The following BTBD9 variants were observed in gnomAD, a reference collection of about 807,000 sequenced individuals.
BTBD9 encodes BTB domain containing 9.
In BTBD9, 49 loss-of-function variants were observed where a neutral mutation model predicts 64.3. The ratio of observed to expected loss-of-function variants is 0.76; its 90% CI spans 0.61 to 0.97. The LOEUF (loss-of-function observed/expected upper bound fraction) is 0.97. Among genes scored for constraint, BTBD9 ranks in the 50% least tolerant of loss-of-function variants. The pLI is 0.00. For missense variants in BTBD9, 598 were observed against 762.1 expected (o/e 0.78, Z 2.53); for synonymous variants, 260 against 274.7 (o/e 0.95, Z 0.53).
intron 6 of BTBD9, among the ~76,000 whole-genome samples, chr6:38,471,685 G>A (rs1173513290): frequency 6.6e-6 from 1 of 152,064 alleles, no homozygotes; most frequent in Non-Finnish European, 1.5e-5. Context: ...GTGCCCACCT[G>A]TGACTGAAGT....
At chr6:38,341,569 C>T (rs1764101095) in intron 7 of BTBD9, among the ~76,000 whole-genome samples, 1 of 152,176 alleles carries the variant, frequency 6.6e-6, no homozygotes, top group South Asian at 2.1e-4. Context: ...GAAATCCTTA[C>T]AAAAAGCAGA....
intron 7 of BTBD9, among the ~76,000 whole-genome samples, chr6:38,337,838 C>T (rs1357471879): frequency 6.6e-6 from 1 of 152,192 alleles, no homozygotes; most frequent in Admixed American, 6.5e-5. Flanking sequence ...GTTTCCCAGA[C>T]TCCCCTTACC....
At chr6:38,328,602 T>TGTGTGTGTGTGTGTGC (rs1763536249) in intron 7 of BTBD9, among the ~76,000 whole-genome samples, 1 of 149,010 alleles carries the variant, frequency 6.7e-6, no homozygotes, top group African/African-American at 2.5e-5. Flanking sequence ...TGTGTGTGTG[T>TGTGTGTGTGTGTGTGC]GTGTGTGTGT....
chr6:38,282,531 T>C (rs895183902), intron 8 of BTBD9, among the ~76,000 whole-genome samples: 1 of 152,134 alleles, frequency 6.6e-6, no homozygotes, highest in Non-Finnish European at 1.5e-5. Context: ...TCCCTGCCCC[T>C]CCTCTGCTCT....
intron 9 of BTBD9, among the ~76,000 whole-genome samples, chr6:38,228,823 G>A (rs1308193177): frequency 6.6e-6 from 1 of 151,852 alleles, no homozygotes; most frequent in Admixed American, 6.6e-5. Context: ...GTAGTGAGCT[G>A]AGATCGTGCC....
intron 6 of BTBD9, among the ~76,000 whole-genome samples, chr6:38,365,460 G>A (rs770563208): frequency 6.6e-6 from 1 of 152,182 alleles, no homozygotes; most frequent in Non-Finnish European, 1.5e-5. Flanking sequence ...TGAAGGTACA[G>A]GCTGGATGTG....
intron 7 of BTBD9, among the ~76,000 whole-genome samples, chr6:38,310,787 T>G (rs920637294): frequency 6.9e-6 from 1 of 144,516 alleles, no homozygotes; most frequent in African/African-American, 2.5e-5. Flanking sequence ...AATTATACCC[T>G]TCTAGCTTTG....
intron 6 of BTBD9, among the ~76,000 whole-genome samples, chr6:38,415,655 C>T (rs1025636948): frequency 6.6e-6 from 1 of 152,228 alleles, no homozygotes; most frequent in Admixed American, 6.5e-5. Context: ...CAATTACTCT[C>T]TAAGCATTGC....
intron 9 of BTBD9, among the ~76,000 whole-genome samples, chr6:38,255,048 G>A (rs1238458762): frequency 6.6e-6 from 1 of 152,318 alleles, no homozygotes; most frequent in South Asian, 2.1e-4. Flanking sequence ...AACAAATGTG[G>A]TATATGCACA....
intron 7 of BTBD9, among the ~76,000 whole-genome samples, chr6:38,318,679 T>C (rs1329479988): frequency 2.0e-5 from 3 of 152,220 alleles, no homozygotes; most frequent in African/African-American, 4.8e-5. Context: ...CAAACACCGC[T>C]GTGGCCACCA....
At chr6:38,612,723 C>T (rs1332358290) in intron 1 of BTBD9, 1 of 152,188 alleles carries the variant, frequency 6.6e-6, no homozygotes, top group Non-Finnish European at 1.5e-5. Context: ...AATAAAAGGA[C>T]AAACTCTTTT....
intron 8 of BTBD9, among the ~76,000 whole-genome samples, chr6:38,282,491 G>T (rs1042362438): frequency 2.2e-4 from 33 of 152,168 alleles, no homozygotes; most frequent in African/African-American, 6.0e-4. Flanking sequence ...AGCAGACAAG[G>T]TGGTTTCTAA....
chr6:38,444,161 G>A (rs1468977860), intron 6 of BTBD9, among the ~76,000 whole-genome samples: 1 of 152,150 alleles, frequency 6.6e-6, no homozygotes, highest in Non-Finnish European at 1.5e-5. Flanking sequence ...TCTAGAAGAG[G>A]TTAAATCCCC....
At chr6:38,400,650 T>C (rs1237557022) in intron 6 of BTBD9, among the ~76,000 whole-genome samples, 1 of 152,104 alleles carries the variant, frequency 6.6e-6, no homozygotes, top group East Asian at 1.9e-4. Flanking sequence ...CATCACTCCC[T>C]AGGATACCAG....
chr6:38,179,209 A>G (rs948253558), intron 10 of BTBD9, among the ~76,000 whole-genome samples: 2 of 152,280 alleles, frequency 1.3e-5, no homozygotes, highest in Non-Finnish European at 2.9e-5. Flanking sequence ...AAAAAGGAAT[A>G]TACATTTGTG....
chr6:38,587,764 G>GA, intron 4 of BTBD9: 1 of 702,674 alleles, frequency 1.4e-6, no homozygotes, highest in Admixed American at 1.8e-5. Flanking sequence ...TGGTAGGGAA[G>GA]AAAAGCCTGC....
chr6:38,609,614 A>C (rs944347010), intron 1 of BTBD9, among the ~76,000 whole-genome samples: 2 of 152,132 alleles, frequency 1.3e-5, no homozygotes, highest in African/African-American at 4.8e-5. Context: ...TAGAACAAAA[A>C]CTCTAAAGGG....
intron 7 of BTBD9, among the ~76,000 whole-genome samples, chr6:38,306,957 A>G (rs1762649364): frequency 6.6e-6 from 1 of 152,248 alleles, no homozygotes; most frequent in Non-Finnish European, 1.5e-5. Flanking sequence ...CAGCAAGCAA[A>G]TGGTTAATAA....
chr6:38,550,231 C>T (rs2814886), intron 6 of BTBD9, among the ~76,000 whole-genome samples: 9,645 of 152,184 alleles, frequency 0.063, 645 homozygotes, highest in African/African-American at 0.16. Flanking sequence ...TCTTCACTGT[C>T]CTTATCTCAG....
Sources: gnomAD v4.1 joint callset for allele counts (sites outside exome capture counted in the v4.1 genomes callset) on GRCh38, gnomAD v4.1.1 for gene constraint, MANE v1.5 for transcripts, NCBI Gene and HGNC (gene_info 2026-07-23, HGNC 2026-07-21) for gene names.